RTTN: variants seen among roughly 807,000 people sequenced by gnomAD.
RTTN encodes rotatin.
Under a neutral mutation model 269.2 loss-of-function variants are expected in RTTN, and 182 were observed. The ratio of observed to expected loss-of-function variants is 0.68; its 90% CI spans 0.60 to 0.76. The LOEUF is 0.76. Among genes scored for constraint, RTTN ranks in the 30% least tolerant of loss-of-function variants. RTTN has a pLI of 0.00. For missense variants in RTTN, 2,545 were observed against 2,608.6 expected (o/e 0.98, Z 0.53); for synonymous variants, 1,006 against 963.5 (o/e 1.04, Z -0.82).
At position 70,134,468 on chromosome 18, in the gene RTTN, T is replaced by C. The variant is rs775581506; in HGVS notation, c.2954+5A>G. ...TCAAGAAAATCAGAGAAATAAATCCTTTACCTTCTAAAAACGGAAACAGGC... is the reference window on the plus strand; with the variant it reads ...TCAAGAAAATCAGAGAAATAAATCCCTTACCTTCTAAAAACGGAAACAGGC... On this transcript the variant is annotated splice_donor_5th_base_variant and intron_variant, in intron 23 of 48. Coordinates refer to ENST00000640769, the MANE Select transcript of RTTN (RefSeq NM_173630.4). The C allele has an allele frequency of 1.9e-6, 3 of 1,598,672 alleles. No homozygotes were observed. The highest frequency in any genetic ancestry group is 2.6e-6 in the Non-Finnish European group (3 of 1,168,334).
chr18:70,192,106 C>T (rs1038060230), intron 8 of RTTN, among the ~76,000 whole-genome samples: 8 of 152,106 alleles, frequency 5.3e-5, no homozygotes, highest in African/African-American at 1.9e-4. Context: ...TATATAATAT[C>T]AATCCTATTC....
At chr18:70,019,357 GC>G (rs1229953476) in intron 45 of RTTN, 1 of 152,124 alleles carries the variant, frequency 6.6e-6, no homozygotes, top group African/African-American at 2.4e-5. Flanking sequence ...GGAAAGCACT[GC>G]CCCCGCTCTG....
chr18:70,190,018 GTTTTGT>G (rs905921192), intron 9 of RTTN, among the ~76,000 whole-genome samples: 1 of 152,184 alleles, frequency 6.6e-6, no homozygotes, highest in East Asian at 1.9e-4. Context: ...CAGTTTTGGA[GTTTTGT>G]TTTTAACATG....
intron 11 of RTTN, 40 bp downstream of exon 11, chr18:70,176,635 T>C: frequency 3.9e-6 from 6 of 1,548,808 alleles, no homozygotes; most frequent in Non-Finnish European, 5.2e-6. Flanking sequence ...TTATTTATAA[T>C]AGTCTGTAAA....
intron 28 of RTTN, among the ~76,000 whole-genome samples, chr18:70,097,810 C>T (rs1453826098): frequency 6.6e-6 from 1 of 152,204 alleles, no homozygotes; most frequent in African/African-American, 2.4e-5. Flanking sequence ...AATACATTAA[C>T]AGTTCATTTC....
intron 14 of RTTN, among the ~76,000 whole-genome samples, chr18:70,158,578 T>G (rs1444075399): frequency 1.3e-5 from 2 of 152,090 alleles, no homozygotes; most frequent in Non-Finnish European, 2.9e-5. Context: ...GGCGACAGAA[T>G]CAAATCCTCA....
chr18:70,087,825 A>G (rs567653209), intron 31 of RTTN, among the ~76,000 whole-genome samples, 164 bp downstream of exon 31: 1 of 152,200 alleles, frequency 6.6e-6, no homozygotes, highest in East Asian at 1.9e-4. Context: ...TTTCCTGTGC[A>G]TGAATACCTT....
intron 35 of RTTN, among the ~76,000 whole-genome samples, chr18:70,060,953 T>C (rs1000776410): frequency 6.7e-5 from 10 of 148,882 alleles, no homozygotes; most frequent in African/African-American, 2.1e-4. Flanking sequence ...CTGAGTAATA[T>C]TTCATTGTGT....
Position 70,087,971 on chromosome 18 carries a change from G to C in RTTN, c.4302+18C>G. The C allele has an allele frequency of 6.2e-7, 1 of 1,608,898 alleles. No homozygotes were observed. Among genetic ancestry groups the C allele is most frequent in the South Asian group, 1.1e-5 (1 of 90,322 alleles). On this transcript the variant is annotated intron_variant, in intron 31 of 48. Coordinates refer to ENST00000640769, the MANE Select transcript of RTTN (RefSeq NM_173630.4). ...ACAAAGAATTTCTAAGGAAAAAAAG[G>C]AGAAAAGACAGACATACCTCCCGGC...
intron 39 of RTTN, 44 bp from the exon 40 acceptor site, chr18:70,048,232 A>G (rs770855672): frequency 2.6e-6 from 4 of 1,531,204 alleles, no homozygotes; most frequent in African/African-American, 2.7e-5. Flanking sequence ...AATTTCTTCA[A>G]AATTCAACAA....
intron 34 of RTTN, among the ~76,000 whole-genome samples, chr18:70,073,096 A>C (rs1256849752): frequency 6.6e-6 from 1 of 152,144 alleles, no homozygotes; most frequent in Non-Finnish European, 1.5e-5. Flanking sequence ...TTGTTCCTGG[A>C]AACAGGTGTA....
intron 40 of RTTN, 152 bp downstream of exon 40, chr18:70,047,819 A>T (rs2057534569): frequency 1.5e-6 from 1 of 658,676 alleles, no homozygotes; most frequent in Admixed American, 2.9e-5. Context: ...AGTTAATTTA[A>T]CTTTATAAAC....
At chr18:70,088,953 T>C (rs971085775) in intron 30 of RTTN, among the ~76,000 whole-genome samples, 1 of 152,250 alleles carries the variant, frequency 6.6e-6, no homozygotes, top group Non-Finnish European at 1.5e-5. Flanking sequence ...GCATTTAATT[T>C]AATTTCATTA....
intron 40 of RTTN, among the ~76,000 whole-genome samples, chr18:70,043,006 C>A (rs532753632): frequency 7.9e-5 from 12 of 152,184 alleles, no homozygotes; most frequent in Non-Finnish European, 1.3e-4. Context: ...GAATGGATAT[C>A]CCAGGATGAC....
chr18:70,166,260 T>C, intron 13 of RTTN, 72 bp from the exon 14 acceptor site: 1 of 1,489,270 alleles, frequency 6.7e-7, no homozygotes, highest in Non-Finnish European at 9.3e-7. Context: ...CAAAGCATAC[T>C]GGAAGGGATT....
intron 34 of RTTN, among the ~76,000 whole-genome samples, chr18:70,066,298 T>C (rs1316983668): frequency 1.3e-5 from 2 of 152,180 alleles, no homozygotes; most frequent in African/African-American, 4.8e-5. Context: ...TAAAGATATT[T>C]TTAATGTTCC....
intron 34 of RTTN, among the ~76,000 whole-genome samples, chr18:70,069,706 C>G (rs557442975): frequency 6.6e-6 from 1 of 152,072 alleles, no homozygotes; most frequent in African/African-American, 2.4e-5. Context: ...ATTGTATTTG[C>G]CAAAATGATC....
intron 40 of RTTN, among the ~76,000 whole-genome samples, chr18:70,031,591 A>T (rs1278134346): frequency 2.0e-5 from 3 of 152,070 alleles, no homozygotes; most frequent in Non-Finnish European, 2.9e-5. Context: ...TAAATTTATG[A>T]GCTAGAAAAA....
rs376580971 is a variant in RTTN at position 70,086,573 on chromosome 18, G to A, written c.4374+40C>T. The A allele has an allele frequency of 7.1e-6, 10 of 1,404,088 alleles. No homozygotes were observed. In the African/African-American group the frequency reaches 1.0e-4, roughly 14 times the overall value. 87.0% of individuals were successfully genotyped at this position (1,404,088 alleles called of 1,614,324 possible). On this transcript the variant is annotated intron_variant, in intron 32 of 48. Transcript: ENST00000640769. ...CTGAAAATTTATCACCAATTAATTTGAAACATCTACTAGGTTGATAATTGT... is the reference window on the plus strand; with the variant it reads ...CTGAAAATTTATCACCAATTAATTTAAAACATCTACTAGGTTGATAATTGT...
Sources: gnomAD v4.1 joint callset for allele counts (sites outside exome capture counted in the v4.1 genomes callset) on GRCh38, gnomAD v4.1.1 for gene constraint, MANE v1.5 for transcripts, NCBI Gene and HGNC (gene_info 2026-07-23, HGNC 2026-07-21) for gene names.